Variants in SORBS2 observed in about 807,000 individuals in gnomAD.
SORBS2 encodes sorbin and SH3 domain containing 2, also known as sorbin and SH3 domain-containing protein 2.
In SORBS2, 46 loss-of-function variants were observed where a neutral mutation model predicts 97.7. The ratio of observed to expected loss-of-function variants is 0.47; its 90% CI spans 0.37 to 0.60. The LOEUF (loss-of-function observed/expected upper bound fraction) is 0.60. Ranked by LOEUF, SORBS2 falls within the 20% of genes least tolerant of loss-of-function variation. The probability of loss-of-function intolerance (pLI) is 0.00; values close to 1 mark genes in which losing one functional copy is unlikely to be tolerated. For synonymous variants in SORBS2, 476 were observed against 473.4 expected (o/e 1.01, Z -0.07); for missense variants, 1,316 against 1,282.3 (o/e 1.03, Z -0.40).
At chr4:185,768,709 A>AC (rs1553983113) in intron 2 of SORBS2, among the ~76,000 whole-genome samples, 6 of 87,706 alleles carry the variant, frequency 6.8e-5, no homozygotes, top group Admixed American at 3.3e-4. Context: ...AAAAAAAAAA[A>AC]AACAAAAAAA....
At chr4:185,791,820 G>C (rs1265055086) in intron 1 of SORBS2, among the ~76,000 whole-genome samples, 1 of 152,020 alleles carries the variant, frequency 6.6e-6, no homozygotes, top group Non-Finnish European at 1.5e-5. Flanking sequence ...AACATGTACA[G>C]AGCCCCAAGA....
chr4:185,730,366 GGA>G (rs2098607965), intron 2 of SORBS2, among the ~76,000 whole-genome samples: 1 of 139,624 alleles, frequency 7.2e-6, no homozygotes, highest in Non-Finnish European at 1.5e-5. Flanking sequence ...TTAATCATCT[GGA>G]GAGTGGGTTG....
chr4:185,778,850 T>A (rs202137831), intron 1 of SORBS2, among the ~76,000 whole-genome samples: 1 of 152,162 alleles, frequency 6.6e-6, no homozygotes, highest in African/African-American at 2.4e-5. Flanking sequence ...CTACAATTGT[T>A]AGAACTGGTG....
At chr4:185,745,092 G>A (rs2098751736) in intron 2 of SORBS2, among the ~76,000 whole-genome samples, 1 of 152,204 alleles carries the variant, frequency 6.6e-6, no homozygotes, top group African/African-American at 2.4e-5. Flanking sequence ...TGTGATGCAG[G>A]TGGCTTGTTC....
intron 1 of SORBS2, among the ~76,000 whole-genome samples, chr4:185,879,168 C>CG (rs2099235407): frequency 3.7e-5 from 3 of 80,092 alleles, no homozygotes; most frequent in African/African-American, 1.8e-4. Flanking sequence ...CTATCCCTCC[C>CG]CCCCCCCCAC....
At chr4:185,636,638 C>T (rs368370951) in intron 4 of SORBS2, among the ~76,000 whole-genome samples, 1 of 151,494 alleles carries the variant, frequency 6.6e-6, no homozygotes, top group South Asian at 2.1e-4. Context: ...AACTGAACCT[C>T]CAGTTGACTA....
At chr4:185,942,534 A>G (rs146768157) in intron 1 of SORBS2, among the ~76,000 whole-genome samples, 2,422 of 152,124 alleles carry the variant, frequency 0.016, 43 homozygotes, top group African/African-American at 0.036. Context: ...TATTTTTAGT[A>G]GAGCTGGGGT....
chr4:185,680,139 T>C (rs67910991), intron 2 of SORBS2, among the ~76,000 whole-genome samples: 15,168 of 152,262 alleles, frequency 0.1, 836 homozygotes, highest in African/African-American at 0.14. Flanking sequence ...GAAATGTTTA[T>C]TGGACCCTAC....
At chr4:185,894,086 A>T (rs2099243844) in intron 1 of SORBS2, among the ~76,000 whole-genome samples, 1 of 152,192 alleles carries the variant, frequency 6.6e-6, no homozygotes, top group Non-Finnish European at 1.5e-5. Flanking sequence ...AGCCCCTCTG[A>T]ATACCGATCT....
intron 1 of SORBS2, among the ~76,000 whole-genome samples, chr4:185,839,548 G>A (rs1164099405): frequency 1.3e-5 from 2 of 152,116 alleles, no homozygotes; most frequent in African/African-American, 2.4e-5. Context: ...CACACTGAGC[G>A]CTCCCTAGGG....
intron 2 of SORBS2, among the ~76,000 whole-genome samples, chr4:185,681,286 G>C (rs1447534663): frequency 6.6e-6 from 1 of 151,956 alleles, no homozygotes; most frequent in Non-Finnish European, 1.5e-5. Flanking sequence ...TTTTAGCATA[G>C]CCCTGCTTTT....
At chr4:185,798,630 T>C (rs1047004429) in intron 1 of SORBS2, among the ~76,000 whole-genome samples, 1 of 152,190 alleles carries the variant, frequency 6.6e-6, no homozygotes, top group Non-Finnish European at 1.5e-5. Context: ...CATAGTCTTA[T>C]TAATTAAACA....
At chr4:185,728,910 G>A (rs756559527) in intron 2 of SORBS2, among the ~76,000 whole-genome samples, 3 of 152,238 alleles carry the variant, frequency 2.0e-5, no homozygotes, top group Non-Finnish European at 4.4e-5. Flanking sequence ...GGGTGCACAC[G>A]AGGAGCCAAA....
intron 2 of SORBS2, among the ~76,000 whole-genome samples, chr4:185,685,441 T>C (rs766820275): frequency 6.6e-6 from 1 of 152,264 alleles, no homozygotes; most frequent in Non-Finnish European, 1.5e-5. Flanking sequence ...GTGTTAGTTA[T>C]GCAAATAACT....
intron 1 of SORBS2, among the ~76,000 whole-genome samples, chr4:185,780,757 C>T (rs1049211326): frequency 4.6e-5 from 7 of 152,060 alleles, no homozygotes; most frequent in East Asian, 1.9e-4. Context: ...TTTTAGTAGG[C>T]GATTTGTCAT....
Position 185,908,524 on chromosome 4 carries a change from G to A in SORBS2, c.-338+47672C>T, listed in dbSNP as rs185990345. ...TGACTTCTGATTGCTAAATCAAAAC[G>A]CTTAGAAAGGGTTTGTTGGAAAATG... On this transcript the variant is annotated intron_variant, in intron 1 of 20. Transcript: ENST00000284776. 7.5e-4 allele frequency among the ~76,000 whole-genome samples: 114 copies of A among 151,138 alleles called. 2 individuals carry two copies. The highest frequency in any genetic ancestry group is 3.1e-4 in the African/African-American group (13 of 41,276).
intron 12 of SORBS2, among the ~76,000 whole-genome samples, chr4:185,608,481 G>A (rs1395828536): frequency 6.8e-6 from 1 of 147,636 alleles, no homozygotes; most frequent in Non-Finnish European, 1.5e-5. Flanking sequence ...GGAGGTATGA[G>A]TTATGAAGCT....
At chr4:185,651,155 C>A (rs1005708778) in intron 2 of SORBS2, among the ~76,000 whole-genome samples, 1 of 152,170 alleles carries the variant, frequency 6.6e-6, no homozygotes, top group Non-Finnish European at 1.5e-5. Context: ...AGGCAACACT[C>A]AGGAGAAAGT....
chr4:185,908,034 G>A (rs533785919), intron 1 of SORBS2, among the ~76,000 whole-genome samples: 3 of 151,782 alleles, frequency 2.0e-5, no homozygotes, highest in African/African-American at 7.2e-5. Context: ...AGAGGTCATC[G>A]GGCAGAGCCA....
Sources: gnomAD v4.1 joint callset for allele counts (sites outside exome capture counted in the v4.1 genomes callset) on GRCh38, gnomAD v4.1.1 for gene constraint, MANE v1.5 for transcripts, NCBI Gene and HGNC (gene_info 2026-07-23, HGNC 2026-07-21) for gene names.